XPO7: variants seen among roughly 807,000 people sequenced by gnomAD.
XPO7 encodes the protein exportin-7.
A neutral mutation model predicts 144.3 loss-of-function variants in XPO7; 21 were observed. The observed-to-expected ratio is 0.15, with a 90% CI of 0.10 to 0.21. XPO7 has a LOEUF of 0.21. XPO7 is among the 10% of genes least tolerant of loss of function. The pLI is 1.00. For missense variants in XPO7, 808 were observed against 1,325.8 expected, an observed-to-expected ratio of 0.61 and a Z score of 6.06; for synonymous variants, 580 against 499.6, an observed-to-expected ratio of 1.16 and a Z score of -2.15.
Position 21,927,851 on chromosome 8 carries a change from A to G in XPO7, c.18+8063A>G, listed in dbSNP as rs1295794635. 2.6e-5 allele frequency among the ~76,000 whole-genome samples: 4 copies of G among 152,232 alleles called. No individual in the cohort carries two copies. In the East Asian group the frequency reaches 7.7e-4, roughly 29 times the overall value. ...TGAGCCACCGCACCTGGCTGACCCA[A>G]CTTCTTATCTATTCCTCCCATACCC... is the stretch of plus-strand genomic sequence containing the variant. On this transcript the variant is annotated intron_variant, in intron 1 of 27. Coordinates refer to ENST00000252512, the MANE Select transcript of XPO7 (RefSeq NM_015024.5).
chr8:21,987,309 T>C, intron 14 of XPO7, 33 bp downstream of exon 14: 1 of 1,612,412 alleles, frequency 6.2e-7, no homozygotes, highest in Non-Finnish European at 8.5e-7. Context: ...CCCTTAGTTC[T>C]CACTTCTCAC....
chr8:21,924,347 A>G (rs1209728402), intron 1 of XPO7, among the ~76,000 whole-genome samples: 3 of 152,138 alleles, frequency 2.0e-5, no homozygotes, highest in African/African-American at 7.2e-5. Context: ...GAATTTTCAC[A>G]AAGTGAATAC....
intron 9 of XPO7, among the ~76,000 whole-genome samples, chr8:21,980,519 C>T (rs1812369821): frequency 6.6e-6 from 1 of 152,288 alleles, no homozygotes; most frequent in South Asian, 2.1e-4. Flanking sequence ...CGCCTGTAAT[C>T]CCAACAGTTT....
chr8:21,941,293 A>G (rs1330155032), intron 1 of XPO7, among the ~76,000 whole-genome samples: 1 of 151,882 alleles, frequency 6.6e-6, no homozygotes. Context: ...AGGTGAAACT[A>G]CAGGCGGGTG....
chr8:21,924,456 C>A (rs867280542), intron 1 of XPO7, among the ~76,000 whole-genome samples: 1 of 151,780 alleles, frequency 6.6e-6, no homozygotes, highest in Non-Finnish European at 1.5e-5. Context: ...CTCCCCCCCC[C>A]ACCCCACTAA....
chr8:21,969,107 T>G (rs1297079624), intron 2 of XPO7, among the ~76,000 whole-genome samples: 1 of 152,184 alleles, frequency 6.6e-6, no homozygotes, highest in Non-Finnish European at 1.5e-5. Context: ...TGAAACTGTT[T>G]GAAATATCAT....
chr8:21,959,438 T>C (rs901986969), intron 1 of XPO7, among the ~76,000 whole-genome samples: 1 of 152,172 alleles, frequency 6.6e-6, no homozygotes, highest in Non-Finnish European at 1.5e-5. Flanking sequence ...TTGAGTAACT[T>C]AAGTCATGCT....
At chr8:21,980,774 C>CAA (rs892152378) in intron 9 of XPO7, among the ~76,000 whole-genome samples, 23 of 85,452 alleles carry the variant, frequency 2.7e-4, no homozygotes, top group Admixed American at 6.4e-4. Flanking sequence ...GACTCCGTCT[C>CAA]AAAAAAAAAA....
At chr8:21,961,314 A>G (rs1000864078) in intron 1 of XPO7, among the ~76,000 whole-genome samples, 2 of 151,644 alleles carry the variant, frequency 1.3e-5, no homozygotes, top group African/African-American at 2.4e-5. Context: ...GACTTGGACA[A>G]TCCTCCTGCC....
At chr8:21,963,282 T>C (rs767843145) in intron 1 of XPO7, among the ~76,000 whole-genome samples, 8 of 152,214 alleles carry the variant, frequency 5.3e-5, no homozygotes, top group Non-Finnish European at 1.2e-4. Context: ...CCAAGGATTA[T>C]GCTTATGTCT....
chr8:21,940,094 T>C (rs1293765310), intron 1 of XPO7, among the ~76,000 whole-genome samples: 20 of 152,222 alleles, frequency 1.3e-4, no homozygotes. Flanking sequence ...GTAGCCAGAA[T>C]GTGCTGTTTG....
At chr8:21,940,740 A>G (rs1009193575) in intron 1 of XPO7, among the ~76,000 whole-genome samples, 2 of 152,110 alleles carry the variant, frequency 1.3e-5, no homozygotes, top group East Asian at 1.9e-4. Flanking sequence ...AAGTGCTGGG[A>G]CTACAGGCAT....
At chr8:21,930,394 A>C (rs776862839) in intron 1 of XPO7, among the ~76,000 whole-genome samples, 3 of 152,208 alleles carry the variant, frequency 2.0e-5, no homozygotes, top group South Asian at 2.1e-4. Context: ...ATGTATGCCA[A>C]TAAGGGTTAT....
At chr8:21,920,845 C>T (rs1487178924) in intron 1 of XPO7, among the ~76,000 whole-genome samples, 2 of 152,138 alleles carry the variant, frequency 1.3e-5, no homozygotes, top group East Asian at 1.9e-4. Context: ...GAAGTGTCGC[C>T]TTTATATTCT....
intron 1 of XPO7, among the ~76,000 whole-genome samples, chr8:21,950,398 G>C (rs1239059430): frequency 6.6e-6 from 1 of 152,162 alleles, no homozygotes; most frequent in African/African-American, 2.4e-5. Context: ...AACTATAGGA[G>C]CTAATTTTTG....
intron 7 of XPO7, 58 bp from the exon 8 acceptor site, chr8:21,977,712 T>G: frequency 6.6e-7 from 1 of 1,514,012 alleles, no homozygotes; most frequent in Non-Finnish European, 9.1e-7. Context: ...GCTGGAAGTA[T>G]GCCAGCGGCA....
rs745341191 is a variant in XPO7 at position 21,976,338 on chromosome 8, A to G, written c.598-18A>G. ...AGAGGAGTGATTTTGGGGACTCATT[A>G]TGTGGTAATTTTTACAGGCTTCAGG... is the stretch of plus-strand genomic sequence containing the variant. On this transcript the variant is annotated intron_variant, in intron 6 of 27. Transcript: ENST00000252512. 2.5e-6 allele frequency: 4 copies of G among 1,610,372 alleles called. No homozygotes were observed. In the South Asian group the frequency reaches 3.3e-5, roughly 13 times the overall value.
intron 1 of XPO7, among the ~76,000 whole-genome samples, chr8:21,957,458 C>CT (rs908955248): frequency 1.6e-4 from 25 of 152,246 alleles, no homozygotes; most frequent in African/African-American, 6.0e-4. Flanking sequence ...ATTTGGCTTT[C>CT]TTAGTTCATT....
Position 21,953,282 on chromosome 8 carries a change from C to G in XPO7, c.19-13575C>G, listed in dbSNP as rs535480426. Among the ~76,000 whole-genome samples, 44 of 152,244 alleles carry G rather than the reference C, an allele frequency of 2.9e-4. 1 individual carries two copies. The highest frequency in any genetic ancestry group is 8.7e-4 in the African/African-American group (36 of 41,532). On this transcript the variant is annotated intron_variant, in intron 1 of 27. Transcript: ENST00000252512. ...GCCTCTGTCACCATCATTTCTCCCC[C>G]CCTGCAAACTCCTGGCAACCACTGC...
Sources: gnomAD v4.1 joint callset for allele counts (sites outside exome capture counted in the v4.1 genomes callset) on GRCh38, gnomAD v4.1.1 for gene constraint, MANE v1.5 for transcripts, NCBI Gene and HGNC (gene_info 2026-07-23, HGNC 2026-07-21) for gene names.